Variants in JAKMIP3 observed in about 807,000 individuals in gnomAD.
JAKMIP3 encodes Janus kinase and microtubule interacting protein 3.
Under a neutral mutation model 118.5 loss-of-function variants are expected in JAKMIP3, and 58 were observed. The observed-to-expected ratio is 0.49, with a 90% CI of 0.40 to 0.61. The LOEUF (loss-of-function observed/expected upper bound fraction) is 0.61. Among genes scored for constraint, JAKMIP3 ranks in the 20% least tolerant of loss-of-function variants. JAKMIP3 has a pLI of 0.00. For synonymous variants in JAKMIP3, 486 were observed against 451.2 expected (o/e 1.08, Z -0.98); for missense variants, 950 against 1,109.0 (o/e 0.86, Z 2.04).
At chr10:132,167,313 G>A (rs941148109) in intron 22 of JAKMIP3, among the ~76,000 whole-genome samples, 2 of 152,188 alleles carry the variant, frequency 1.3e-5, no homozygotes, top group Non-Finnish European at 2.9e-5. Flanking sequence ...AGGAGAGCAG[G>A]GTTCCCACCA....
intron 3 of JAKMIP3, among the ~76,000 whole-genome samples, chr10:132,119,012 G>T (rs1401539889): frequency 6.6e-6 from 1 of 152,116 alleles, no homozygotes; most frequent in East Asian, 1.9e-4. Context: ...TTAAGTAAAG[G>T]CTCGTAACAG....
chr10:132,102,046 C>T (rs1451058843), intron 1 of JAKMIP3, among the ~76,000 whole-genome samples: 2 of 152,174 alleles, frequency 1.3e-5, no homozygotes, highest in East Asian at 3.9e-4. Flanking sequence ...CTGGTGTCTC[C>T]CCTTAGAGCA....
intron 1 of JAKMIP3, among the ~76,000 whole-genome samples, chr10:132,055,213 G>A (rs2038206886): frequency 6.6e-6 from 1 of 152,132 alleles, no homozygotes; most frequent in African/African-American, 2.4e-5. Context: ...TTCTCTGGGA[G>A]GCATAGAAAA....
At chr10:132,146,705 T>G in intron 13 of JAKMIP3, among the ~76,000 whole-genome samples, 1 of 152,200 alleles carries the variant, frequency 6.6e-6, no homozygotes, top group East Asian at 1.9e-4. Flanking sequence ...ATGCAGACTC[T>G]GCACTGCTGC....
intron 23 of JAKMIP3, among the ~76,000 whole-genome samples, chr10:132,180,793 A>G (rs1334336394): frequency 1.8e-5 from 2 of 112,158 alleles, no homozygotes; most frequent in Non-Finnish European, 1.8e-5. Flanking sequence ...GCGCGTATGC[A>G]TGTGCTGTGA....
At chr10:132,120,101 C>G (rs901009326) in intron 3 of JAKMIP3, among the ~76,000 whole-genome samples, 1 of 152,250 alleles carries the variant, frequency 6.6e-6, no homozygotes, top group African/African-American at 2.4e-5. Context: ...CCCAGGGCCT[C>G]TGGCATTCCA....
chr10:132,152,828 T>C, intron 16 of JAKMIP3, 130 bp from the exon 17 acceptor site: 1 of 669,392 alleles, frequency 1.5e-6, no homozygotes, highest in Non-Finnish European at 2.7e-6. Flanking sequence ...TCAAAGCACT[T>C]TTTAGCTCTG....
At chr10:132,170,533 C>G (rs2059394417) in intron 23 of JAKMIP3, among the ~76,000 whole-genome samples, 1 of 152,190 alleles carries the variant, frequency 6.6e-6, no homozygotes. Flanking sequence ...CAAGGCCCCC[C>G]ACAGCTGCCC....
chr10:132,158,096 GCCCCGCCC>G (rs2057322499), intron 19 of JAKMIP3, among the ~76,000 whole-genome samples: 3 of 23,490 alleles, frequency 1.3e-4, no homozygotes, highest in African/African-American at 4.2e-4. Context: ...GCCCCGCCCC[GCCCCGCCC>G]CCGGCAGCAT....
rs1264719961 is a variant in JAKMIP3 at position 132,180,586 on chromosome 10, CGTGTGTGT to C, written c.*1104-1767_*1104-1760del. On this transcript the variant is annotated intron_variant, in intron 23 of 23. Coordinates refer to ENST00000684848, the MANE Select transcript of JAKMIP3 (RefSeq NM_001323087.2). ...GTGTGTGCGTGTGTGTGTGCGTGCG[CGTGTGTGT>C]GTGCGTGCGCGTGTGTGTGTGCGTG... Among the ~76,000 whole-genome samples, 19 of 9,772 alleles carry C rather than the reference CGTGTGTGT, an allele frequency of 1.9e-3. 5 individuals carry two copies. The highest frequency in any genetic ancestry group is 2.8e-3 in the East Asian group (1 of 354). The allele number at this position is 9,772 out of a possible 152,430, so 6.4% of individuals were successfully genotyped here. A position where few individuals can be genotyped will look rare whatever the true frequency, so the allele number is the denominator to read the frequency against.
intron 19 of JAKMIP3, among the ~76,000 whole-genome samples, chr10:132,155,631 C>T (rs1159111961): frequency 2.0e-5 from 3 of 152,168 alleles, no homozygotes; most frequent in Non-Finnish European, 4.4e-5. Flanking sequence ...GGTTTGAGGC[C>T]CAGCTCAGCT....
chr10:132,146,213 G>A lies in JAKMIP3; in HGVS notation c.1749+633G>A, dbSNP rs181331686. ...AGACGTAAAACAGATCAGAACATGC[G>A]ATGTGTGGCCAGGCTGCTCTCAGTG... On this transcript the variant is annotated intron_variant, in intron 13 of 23. Transcript: ENST00000684848. Among the ~76,000 whole-genome samples the A allele has an allele frequency of 3.1e-4, 46 of 147,798 alleles. No homozygotes were observed. The South Asian group carries it at 3.2e-3, about 10-fold the overall frequency.
chr10:132,078,961 G>A (rs898525456), intron 1 of JAKMIP3, among the ~76,000 whole-genome samples: 2 of 152,208 alleles, frequency 1.3e-5, no homozygotes, highest in African/African-American at 2.4e-5. Context: ...GCCGTCAGGC[G>A]CAGCGCAGGG....
At chr10:132,123,355 G>A (rs1048858884) in intron 3 of JAKMIP3, among the ~76,000 whole-genome samples, 7 of 152,182 alleles carry the variant, frequency 4.6e-5, no homozygotes, top group African/African-American at 1.7e-4. Flanking sequence ...CGTTGTTAAA[G>A]ACTCTCTAAA....
chr10:132,149,470 A>G lies in JAKMIP3; in HGVS notation c.1907A>G (p.Lys636Arg). The G allele has an allele frequency of 6.2e-7, 1 of 1,604,168 alleles. No individual in the cohort carries two copies. Among genetic ancestry groups the G allele is most frequent in the Non-Finnish European group, 8.5e-7 (1 of 1,176,520 alleles). The change falls in exon 15 of 24, where the codon AAG becomes AGG. Residue 636 changes from lysine (K) to arginine (R), a missense_variant. Coordinates refer to ENST00000684848, the MANE Select transcript of JAKMIP3 (RefSeq NM_001323087.2). ...CACCACACGCCCTTCGTGGACGGGA[A>G]GAGCCCCCTCCAGGTGTACTGCGAG... ...SFHHTPFVDG[K>R]SPLQVYCEAE...
chr10:132,150,682 A>AT (rs2055951045), intron 16 of JAKMIP3, among the ~76,000 whole-genome samples: 2 of 151,702 alleles, frequency 1.3e-5, no homozygotes. Flanking sequence ...TCCACAATTC[A>AT]TTTATCCGTC....
intron 1 of JAKMIP3, among the ~76,000 whole-genome samples, chr10:132,081,844 C>A (rs755652175): frequency 6.6e-6 from 1 of 152,088 alleles, no homozygotes; most frequent in African/African-American, 2.4e-5. Context: ...CCCTACAGAG[C>A]AGCCCTCATC....
chr10:132,094,773 G>A (rs567763801), intron 1 of JAKMIP3, among the ~76,000 whole-genome samples: 133 of 152,188 alleles, frequency 8.7e-4, no homozygotes, highest in Middle Eastern at 3.4e-3. Flanking sequence ...AGGAACCCGC[G>A]GTGAGTGGGG....
At chr10:132,149,554 T>TCCCCCACCCCACCCCCTCCCTG in intron 15 of JAKMIP3, 44 bp downstream of exon 15, 2 of 530,844 alleles carry the variant, frequency 3.8e-6, no homozygotes, top group Non-Finnish European at 5.1e-6. Context: ...ACCTCACCCA[T>TCCCCCACCCCACCCCCTCCCTG]CCCCCGCCCC....
Sources: allele counts gnomAD v4.1 joint callset (sites outside exome capture counted in the v4.1 genomes callset), GRCh38; gene constraint gnomAD v4.1.1; transcripts MANE v1.5; gene names NCBI Gene and HGNC (gene_info 2026-07-23, HGNC 2026-07-21).